GSG1L2: variants seen among roughly 807,000 people sequenced by gnomAD.
GSG1L2 encodes the protein GSG1 like 2, also known as germ cell-specific gene 1-like protein 2.
GSG1L2 carries 15 observed loss-of-function variants against 9.0 expected under a neutral mutation model. That is an observed-to-expected ratio of 1.67 (90% CI 1.12 to 2.57). GSG1L2 has a LOEUF of 2.57. GSG1L2 is among the 30% of genes most tolerant of loss of function. GSG1L2 has a pLI of 0.00. For synonymous variants in GSG1L2, 127 were observed against 57.9 expected (o/e 2.19, Z -5.41); for missense variants, 286 against 150.3 (o/e 1.90, Z -4.72).
chr17:9,819,693 T>A (rs1329884008), intron 1 of GSG1L2, among the ~76,000 whole-genome samples: 1 of 152,042 alleles, frequency 6.6e-6, no homozygotes, highest in Non-Finnish European at 1.5e-5. Flanking sequence ...AGTGCAATGG[T>A]ACCATCTCGG....
At chr17:9,812,122 G>A (rs192071762) in intron 1 of GSG1L2, among the ~76,000 whole-genome samples, 2 of 152,268 alleles carry the variant, frequency 1.3e-5, no homozygotes, top group African/African-American at 4.8e-5. Context: ...AGTTCTATTA[G>A]AGCATTTTTG....
chr17:9,807,762 C>G, intron 3 of GSG1L2, 161 bp from the exon 4 acceptor site: 1 of 591,628 alleles, frequency 1.7e-6, no homozygotes. Context: ...ATCTCTTTCC[C>G]ACAATTGAAA....
intron 1 of GSG1L2, chr17:9,810,969 A>G: frequency 3.2e-6 from 1 of 316,676 alleles, no homozygotes; most frequent in Non-Finnish European, 5.9e-6. Context: ...GAATAGCTAC[A>G]ATGAGGACAG....
In GSG1L2 at chr17:9,807,533, C is replaced by G; in HGVS notation, c.580G>C (p.Glu194Gln). 1 of 703,140 alleles carries G rather than the reference C, an allele frequency of 1.4e-6. No homozygotes were observed. Among genetic ancestry groups the G allele is most frequent in the Middle Eastern group, 2.3e-4 (1 of 4,374 alleles). The allele number at this position is 703,140 out of a possible 1,614,324, so 43.6% of individuals were successfully genotyped here. The stretch of plus-strand genomic sequence containing the variant: ...TCCCAGGTCTGAGGCTTCCAATCTT[C>G]TGGTCCAAGGTTCACAGTGATTTGA... ...IFQITVNLGP[E>Q]DWKPQTWDYG... Residue 194 changes from glutamate to glutamine, a missense_variant, in exon 4 of 5, where the codon GAA (glutamate) becomes CAA (glutamine). Physicochemically the swap from Glu to Gln is conservative, Grantham distance 29 (BLOSUM62 2). Coordinates refer to ENST00000399363, the MANE Select transcript of GSG1L2 (RefSeq NM_001310219.2).
chr17:9,801,271 G>A lies in GSG1L2; in HGVS notation c.*1115C>T, dbSNP rs775196819. Among the ~76,000 whole-genome samples the A allele has an allele frequency of 1.6e-4, 24 of 151,854 alleles. No individual in the cohort carries two copies. The highest frequency in any genetic ancestry group is 2.4e-4 in the Non-Finnish European group (16 of 67,980). ...TGCCCAGGCTGGAGTGCAATGGCGC[G>A]ATCTCTGCTCACTGCAACCTCCACC... On this transcript the variant is annotated 3_prime_UTR_variant, in exon 5 of 5. Transcript: ENST00000399363.
intron 4 of GSG1L2, chr17:9,804,357 C>G (rs1027811164): frequency 1.3e-5 from 2 of 152,218 alleles, no homozygotes; most frequent in African/African-American, 4.8e-5. Flanking sequence ...CCCTTTCCCC[C>G]AGAAAAGCAA....
chr17:9,817,891 A>G (rs8067349), intron 1 of GSG1L2, among the ~76,000 whole-genome samples: 80,448 of 151,840 alleles, frequency 0.53, 22,444 homozygotes, highest in East Asian at 0.99. Context: ...CCTGCCTTGC[A>G]TTCTGATGCA....
intron 1 of GSG1L2, among the ~76,000 whole-genome samples, chr17:9,813,957 C>T (rs1405294758): frequency 2.0e-5 from 3 of 147,588 alleles, no homozygotes; most frequent in African/African-American, 2.6e-5. Flanking sequence ...TTTTTTTTGA[C>T]GGAGGCTCGC....
intron 2 of GSG1L2, 106 bp from the exon 3 acceptor site, chr17:9,809,088 G>A: frequency 1.6e-6 from 1 of 643,714 alleles, no homozygotes; most frequent in Non-Finnish European, 2.8e-6. Flanking sequence ...ATGAAAAACA[G>A]ACACGCTGGA....
At chr17:9,806,009 T>A (rs1289683083) in intron 4 of GSG1L2, among the ~76,000 whole-genome samples, 1 of 152,224 alleles carries the variant, frequency 6.6e-6, no homozygotes, top group Non-Finnish European at 1.5e-5. Context: ...ATCCTTCAGC[T>A]GATCCTGTGC....
chr17:9,807,704 T>G (rs1443136766), intron 3 of GSG1L2, 103 bp from the exon 4 acceptor site: 1 of 679,510 alleles, frequency 1.5e-6, no homozygotes. Context: ...ATTCATAAAG[T>G]CCTTTTGATG....
chr17:9,821,988 G>A lies in GSG1L2; in HGVS notation c.84C>T (p.Ser28=), dbSNP rs547954362. Reference sequence around the variant, plus strand: ...GTCGGGTCCCCTCACACCAGTGGCTGCTGACCACGGCGGTGAGGGAGAAGG... The same window carrying A: ...GTCGGGTCCCCTCACACCAGTGGCTACTGACCACGGCGGTGAGGGAGAAGG... ...ALTFSLTAVV[S]SHWCEGTRRV... The change falls in exon 1 of 5, where the codon AGC becomes AGT. Residue 28 remains serine, a synonymous_variant. Coordinates refer to ENST00000399363, the MANE Select transcript of GSG1L2 (RefSeq NM_001310219.2). 8.5e-6 allele frequency: 6 copies of A among 703,010 alleles called. No homozygotes were observed. The highest frequency in any genetic ancestry group is 8.0e-5 in the Admixed American group (4 of 50,006). 43.5% of individuals were successfully genotyped at this position (703,010 alleles called of 1,614,324 possible).
chr17:9,808,165 A>G (rs946618082), intron 3 of GSG1L2, among the ~76,000 whole-genome samples: 1 of 152,226 alleles, frequency 6.6e-6, no homozygotes, highest in African/African-American at 2.4e-5. Context: ...TGAACTTAAC[A>G]TGAGTAACTT....
intron 1 of GSG1L2, among the ~76,000 whole-genome samples, chr17:9,817,930 T>G (rs1054940319): frequency 6.6e-6 from 1 of 152,132 alleles, no homozygotes; most frequent in Non-Finnish European, 1.5e-5. Context: ...CCTCAGACAT[T>G]GGCTCACTCA....
intron 1 of GSG1L2, among the ~76,000 whole-genome samples, chr17:9,812,280 A>C (rs530091504): frequency 1.8e-4 from 28 of 152,160 alleles, no homozygotes; most frequent in African/African-American, 6.7e-4. Context: ...TTTCTTTTAT[A>C]GGAGAGAAAA....
Position 9,820,874 on chromosome 17 carries a change from G to T in GSG1L2, c.310+888C>A, listed in dbSNP as rs2066586733. ...CTCACTATGTTGCCTATGTTGCCAG[G>T]CTGGTCTGTAACTCCTGGTCTCAAG... is the stretch of plus-strand genomic sequence containing the variant. On this transcript the variant is annotated intron_variant, in intron 1 of 4. Coordinates refer to ENST00000399363, the MANE Select transcript of GSG1L2 (RefSeq NM_001310219.2). The surrounding 1 kb of genome is among the most constrained non-coding windows in gnomAD (Gnocchi z 4.9). Among the ~76,000 whole-genome samples, 1 of 152,008 alleles carries T rather than the reference G, an allele frequency of 6.6e-6. No individual in the cohort carries two copies. The highest frequency in any genetic ancestry group is 1.5e-5 in the Non-Finnish European group (1 of 68,000).
In GSG1L2 at chr17:9,800,801, G is replaced by A. The variant is rs3803854; in HGVS notation, c.*1585C>T. Among the ~76,000 whole-genome samples the A allele has an allele frequency of 0.096, 14,644 of 152,194 alleles. 854 individuals are homozygous for A. The highest frequency in any genetic ancestry group is 0.15 in the South Asian group (708 of 4,816). ...CATAGGGATGAAAAACCATATGAAA[G>A]AACCTGCACACTGCAAAGGGCAGAG... is the stretch of plus-strand genomic sequence containing the variant. On this transcript the variant is annotated 3_prime_UTR_variant, in exon 5 of 5. Coordinates refer to ENST00000399363, the MANE Select transcript of GSG1L2 (RefSeq NM_001310219.2).
intron 2 of GSG1L2, 181 bp from the exon 3 acceptor site, chr17:9,809,163 AAG>A: frequency 1.7e-6 from 1 of 591,184 alleles, no homozygotes; most frequent in South Asian, 2.0e-5. Flanking sequence ...TCAGGGCTGA[AAG>A]AGACGGTTGT....
At chr17:9,816,836 CTG>C (rs1301266789) in intron 1 of GSG1L2, among the ~76,000 whole-genome samples, 11 of 138,918 alleles carry the variant, frequency 7.9e-5, no homozygotes, top group Admixed American at 2.2e-4. Flanking sequence ...GTCTGTGTAT[CTG>C]TGTGTGTTTC....
Sources: gnomAD v4.1 joint callset for allele counts (sites outside exome capture counted in the v4.1 genomes callset) on GRCh38, gnomAD v4.1.1 for gene constraint, Gnocchi (gnomAD v3.1) non-coding constraint, MANE v1.5 for transcripts, NCBI Gene and HGNC (gene_info 2026-07-23, HGNC 2026-07-21) for gene names.